The following CCDC85A variants were observed in gnomAD, a reference collection of about 807,000 sequenced individuals.
CCDC85A encodes coiled-coil domain-containing protein 85A.
CCDC85A carries 38 observed loss-of-function variants against 50.2 expected under a neutral mutation model. The observed-to-expected ratio is 0.76, with a 90% confidence interval of 0.58 to 0.99. CCDC85A has a LOEUF of 0.99. Ranked by LOEUF, CCDC85A falls within the 50% of genes least tolerant of loss-of-function variation. The probability of loss-of-function intolerance (pLI) is 0.00; values close to 1 mark genes in which losing one functional copy is unlikely to be tolerated. For missense variants in CCDC85A, 820 were observed against 742.0 expected (o/e 1.11, Z -1.22); for synonymous variants, 366 against 301.4 (o/e 1.21, Z -2.22).
intron 2 of CCDC85A, among the ~76,000 whole-genome samples, chr2:56,203,986 T>C (rs1676853149): frequency 6.6e-6 from 1 of 152,200 alleles, no homozygotes; most frequent in African/African-American, 2.4e-5. Flanking sequence ...ACTTTCTTGC[T>C]GTGTAGCCTT....
At chr2:56,258,236 G>A (rs1345250035) in intron 2 of CCDC85A, among the ~76,000 whole-genome samples, 1 of 152,190 alleles carries the variant, frequency 6.6e-6, no homozygotes, top group Non-Finnish European at 1.5e-5. Flanking sequence ...AGCTGGTGCT[G>A]TGGTACAGAA....
intron 2 of CCDC85A, among the ~76,000 whole-genome samples, chr2:56,304,438 T>C (rs1054980784): frequency 5.3e-5 from 8 of 152,214 alleles, no homozygotes; most frequent in Non-Finnish European, 4.4e-5. Flanking sequence ...TCTCTAGGAC[T>C]GGTGTATTTA....
At chr2:56,246,696 C>G (rs1218852745) in intron 2 of CCDC85A, among the ~76,000 whole-genome samples, 1 of 152,156 alleles carries the variant, frequency 6.6e-6, no homozygotes, top group East Asian at 1.9e-4. Context: ...GGTTTTATTT[C>G]TGACTCAATT....
chr2:56,363,425 C>T (rs979273578), intron 3 of CCDC85A, among the ~76,000 whole-genome samples: 2 of 152,182 alleles, frequency 1.3e-5, no homozygotes, highest in Non-Finnish European at 2.9e-5. Flanking sequence ...GGTAGACCTA[C>T]AGCCTAACTG....
chr2:56,223,540 C>T (rs1417312356), intron 2 of CCDC85A, among the ~76,000 whole-genome samples: 4 of 152,082 alleles, frequency 2.6e-5, no homozygotes, highest in Admixed American at 1.3e-4. Flanking sequence ...AATATAGATT[C>T]GAATCATTGC....
At chr2:56,349,800 A>G (rs1329855735) in intron 3 of CCDC85A, among the ~76,000 whole-genome samples, 2 of 152,170 alleles carry the variant, frequency 1.3e-5, no homozygotes, top group Non-Finnish European at 2.9e-5. Flanking sequence ...CTACACTGGT[A>G]TATTAATAAT....
intron 2 of CCDC85A, among the ~76,000 whole-genome samples, chr2:56,277,414 A>C (rs775898196): frequency 1.4e-5 from 2 of 142,444 alleles, no homozygotes; most frequent in East Asian, 2.0e-4. Flanking sequence ...TTCCACAGAG[A>C]TCCTGCATGG....
chr2:56,223,757 T>C (rs975394360), intron 2 of CCDC85A, among the ~76,000 whole-genome samples: 2 of 152,094 alleles, frequency 1.3e-5, no homozygotes, highest in African/African-American at 4.8e-5. Context: ...ACCATCAATG[T>C]TTTTGCCCCA....
intron 2 of CCDC85A, among the ~76,000 whole-genome samples, chr2:56,322,129 T>C (rs753705287): frequency 6.6e-5 from 10 of 152,246 alleles, no homozygotes; most frequent in Admixed American, 1.3e-4. Context: ...TTACACCTTA[T>C]ACAAAAATCA....
intron 2 of CCDC85A, among the ~76,000 whole-genome samples, chr2:56,298,148 G>A (rs1311998472): frequency 1.3e-5 from 2 of 152,192 alleles, no homozygotes. Context: ...CTGAATGGCA[G>A]TTTGTGCCAA....
chr2:56,274,554 G>A (rs2104076154), intron 2 of CCDC85A, among the ~76,000 whole-genome samples: 1 of 152,258 alleles, frequency 6.6e-6, no homozygotes, highest in South Asian at 2.1e-4. Context: ...ATTGGATAAA[G>A]CCCACCCACA....
intron 1 of CCDC85A, among the ~76,000 whole-genome samples, chr2:56,189,923 A>C (rs186591772): frequency 1.2e-3 from 187 of 152,328 alleles, no homozygotes; most frequent in African/African-American, 4.4e-3. Flanking sequence ...GCCTGAAAAC[A>C]GAAAGTGGCA....
At chr2:56,355,904 C>T (rs1270925159) in intron 3 of CCDC85A, among the ~76,000 whole-genome samples, 1 of 152,120 alleles carries the variant, frequency 6.6e-6, no homozygotes, top group Non-Finnish European at 1.5e-5. Flanking sequence ...ACCAATAAAC[C>T]CAGGACCAGA....
chr2:56,284,530 G>A (rs1394243938), intron 2 of CCDC85A, among the ~76,000 whole-genome samples: 1 of 152,062 alleles, frequency 6.6e-6, no homozygotes, highest in African/African-American at 2.4e-5. Context: ...GCACCACCAG[G>A]CCCAGCTAAT....
chr2:56,239,082 C>T (rs1255710401), intron 2 of CCDC85A, among the ~76,000 whole-genome samples: 3 of 151,938 alleles, frequency 2.0e-5, no homozygotes, highest in Non-Finnish European at 4.4e-5. Context: ...GTTTCCTCTC[C>T]CAAGTGCACT....
rs555406144 is a variant in CCDC85A at position 56,384,266 on chromosome 2, G to A, written c.1573G>A (p.Val525Ile). The A allele has an allele frequency of 1.2e-6, 2 of 1,605,842 alleles. No homozygotes were observed. The highest frequency in any genetic ancestry group is 2.2e-5 in the East Asian group (1 of 44,742). The change falls in exon 6 of 6, where the codon GTT becomes ATT. Residue 525 changes from valine (V) to isoleucine (I), a missense_variant and splice_region_variant. Transcript: ENST00000407595. Reference protein sequence around the residue: ...QPEPVVHSLKVVWRKLGDAAG... With the variant: ...QPEPVVHSLKIVWRKLGDAAG... ...CTCACTCCTTCTTTTTTTTTTTAAG[G>A]TTGTGTGGAGGAAACTTGGAGATGC...
At chr2:56,322,901 C>G (rs186211864) in intron 2 of CCDC85A, among the ~76,000 whole-genome samples, 3 of 152,210 alleles carry the variant, frequency 2.0e-5, no homozygotes, top group African/African-American at 7.2e-5. Flanking sequence ...ACCCAAATGT[C>G]CATCAATGAT....
rs186520387 is a variant in CCDC85A, at chr2:56,332,498, A to G, written c.1241-10381A>G. On this transcript the variant is annotated intron_variant, in intron 2 of 5. Transcript: ENST00000407595. ...AATCCTATTCTCTCATGAGTTAGCC[A>G]TCTCTTAAGGGCTCCGTCTCTTAAT... is the stretch of plus-strand genomic sequence containing the variant. Among the ~76,000 whole-genome samples, 9 of 152,204 alleles carry G rather than the reference A, an allele frequency of 5.9e-5. No individual in the cohort carries two copies. The East Asian group carries it at 1.5e-3, about 26-fold the overall frequency.
chr2:56,240,851 G>A (rs1188467243), intron 2 of CCDC85A, among the ~76,000 whole-genome samples: 1 of 152,062 alleles, frequency 6.6e-6, no homozygotes, highest in African/African-American at 2.4e-5. Flanking sequence ...TAAACATTGT[G>A]TATAAGTGTT....
Sources: allele counts gnomAD v4.1 joint callset (sites outside exome capture counted in the v4.1 genomes callset), GRCh38; gene constraint gnomAD v4.1.1; transcripts MANE v1.5; gene names NCBI Gene and HGNC (gene_info 2026-07-23, HGNC 2026-07-21).